EFNA5: variants seen among roughly 807,000 people sequenced by gnomAD.
EFNA5 encodes ephrin A5.
In EFNA5, 5 loss-of-function variants were observed where a neutral mutation model predicts 22.9. The observed-to-expected ratio is 0.22, with a 90% CI of 0.11 to 0.46. EFNA5 has a LOEUF of 0.46. Ranked by LOEUF, EFNA5 falls within the 20% of genes least tolerant of loss-of-function variation. The pLI is 0.99. For missense variants in EFNA5, 237 were observed against 293.3 expected (o/e 0.81, Z 1.40); for synonymous variants, 113 against 112.2 (o/e 1.01, Z -0.04).
chr5:107,630,211 A>G (rs146194286), intron 1 of EFNA5, among the ~76,000 whole-genome samples: 3 of 152,322 alleles, frequency 2.0e-5, no homozygotes, highest in East Asian at 3.9e-4. Context: ...GCTCTAAACT[A>G]TAGTCTGTTT....
intron 1 of EFNA5, among the ~76,000 whole-genome samples, chr5:107,535,198 G>C (rs531973559): frequency 2.6e-5 from 4 of 152,312 alleles, no homozygotes; most frequent in African/African-American, 9.6e-5. Context: ...ACAGAGGACT[G>C]CAGACTTAGA....
chr5:107,605,511 T>A (rs551303176), intron 1 of EFNA5, among the ~76,000 whole-genome samples: 1 of 152,182 alleles, frequency 6.6e-6, no homozygotes, highest in Non-Finnish European at 1.5e-5. Context: ...GATTTAAGGC[T>A]GACCTACCAG....
chr5:107,396,324 T>A lies in EFNA5; in HGVS notation c.419-8553A>T, dbSNP rs116398352. ...ACGTGCCTACGCCTCAGTTTTCTCA[T>A]TAGCTTCATCTTCTCTAAAACAAAT... On this transcript the variant is annotated intron_variant, in intron 2 of 4. Transcript: ENST00000333274. Among the ~76,000 whole-genome samples the A allele has an allele frequency of 5.8e-3, 877 of 152,324 alleles. 4 individuals carry two copies. Among genetic ancestry groups the A allele is most frequent in the Non-Finnish European group, 8.3e-3 (562 of 68,026 alleles).
chr5:107,427,311 T>G lies in EFNA5; in HGVS notation c.324A>C (p.Pro108=). The change falls in exon 2 of 5, where the codon CCA becomes CCC. Residue 108 remains proline (P), a synonymous_variant. Transcript: ENST00000333274. ...KRWECNRPHS[P]NGPLKFSEKF... is the part of the protein sequence containing the mutation. Reference sequence around the variant, plus strand: ...TTTCAGAGAACTTCAGCGGTCCATTTGGAGAGTGAGGCCGGTTACATTCCC... The same window carrying G: ...TTTCAGAGAACTTCAGCGGTCCATTGGGAGAGTGAGGCCGGTTACATTCCC... The G allele has an allele frequency of 6.2e-7, 1 of 1,614,126 alleles. No individual in the cohort carries two copies. Among genetic ancestry groups the G allele is most frequent in the Non-Finnish European group, 8.5e-7 (1 of 1,180,012 alleles).
chr5:107,596,656 C>T (rs1213136586), intron 1 of EFNA5, among the ~76,000 whole-genome samples: 1 of 151,868 alleles, frequency 6.6e-6, no homozygotes, highest in African/African-American at 2.4e-5. Flanking sequence ...CAATCTTTGG[C>T]CTGCAAATAT....
At chr5:107,387,163 G>T (rs952482225) in intron 4 of EFNA5, 72 bp downstream of exon 4, 3 of 1,116,300 alleles carry the variant, frequency 2.7e-6, no homozygotes, top group South Asian at 1.5e-5. Context: ...CAGAGAAGAA[G>T]AAAGGAAAAA....
chr5:107,397,362 A>G (rs531843884), intron 2 of EFNA5, among the ~76,000 whole-genome samples: 3 of 152,214 alleles, frequency 2.0e-5, no homozygotes, highest in Admixed American at 1.3e-4. Flanking sequence ...CAGCCTTGCC[A>G]AGATGGTGAA....
intron 1 of EFNA5, among the ~76,000 whole-genome samples, chr5:107,464,443 A>T (rs1308401690): frequency 1.3e-5 from 2 of 152,152 alleles, no homozygotes; most frequent in Non-Finnish European, 2.9e-5. Flanking sequence ...GCTGCTTCAA[A>T]ATCGATTGTT....
chr5:107,433,488 G>A (rs754202914), intron 1 of EFNA5, among the ~76,000 whole-genome samples: 1 of 152,192 alleles, frequency 6.6e-6, no homozygotes, highest in Non-Finnish European at 1.5e-5. Flanking sequence ...CTGAAGCTGG[G>A]ATTAGAGCTG....
At position 107,657,051 on chromosome 5, in the gene EFNA5, A is replaced by G. The variant is rs184488339; in HGVS notation, c.125+13438T>C. Among the ~76,000 whole-genome samples, 15 of 152,308 alleles carry G rather than the reference A, an allele frequency of 9.8e-5. No homozygotes were observed. In the East Asian group the frequency reaches 2.7e-3, roughly 27 times the overall value. On this transcript the variant is annotated intron_variant, in intron 1 of 4. Coordinates refer to ENST00000333274, the MANE Select transcript of EFNA5 (RefSeq NM_001962.3). The stretch of plus-strand genomic sequence containing the variant: ...TTTTACTATACGCAGTTAAATCTGT[A>G]TAGGAACATATATTAGTATATGGAA...
intron 1 of EFNA5, among the ~76,000 whole-genome samples, chr5:107,514,927 A>G (rs1747445121): frequency 6.6e-6 from 1 of 152,214 alleles, no homozygotes; most frequent in Non-Finnish European, 1.5e-5. Flanking sequence ...ACAGAAAAAC[A>G]GCCCCAAATC....
At chr5:107,410,022 C>CTTTTTTTTTTTTTTTTTTTTTTTTTT (rs70996956) in intron 2 of EFNA5, among the ~76,000 whole-genome samples, 1 of 88,002 alleles carries the variant, frequency 1.1e-5, no homozygotes, top group Non-Finnish European at 2.2e-5. Flanking sequence ...TGACATGATT[C>CTTTTTTTTTTTTTTTTTTTTTTTTTT]TTTTTTTTTT....
chr5:107,489,663 C>CCG (rs1554062622), intron 1 of EFNA5, among the ~76,000 whole-genome samples: 8 of 146,148 alleles, frequency 5.5e-5, no homozygotes, highest in African/African-American at 1.8e-4. Context: ...CCCACCTACC[C>CCG]CCCCCACCAA....
intron 1 of EFNA5, among the ~76,000 whole-genome samples, chr5:107,495,465 G>C (rs927636473): frequency 6.6e-6 from 1 of 152,206 alleles, no homozygotes; most frequent in East Asian, 1.9e-4. Flanking sequence ...GCGAGGGTCC[G>C]CGGCCTCATT....
At chr5:107,519,127 G>A (rs760140208) in intron 1 of EFNA5, among the ~76,000 whole-genome samples, 6 of 152,176 alleles carry the variant, frequency 3.9e-5, no homozygotes, top group Non-Finnish European at 7.3e-5. Flanking sequence ...ACAAGAACTT[G>A]AATTACCCTG....
chr5:107,566,004 C>A (rs1269557209), intron 1 of EFNA5, among the ~76,000 whole-genome samples: 2 of 152,204 alleles, frequency 1.3e-5, no homozygotes, highest in East Asian at 1.9e-4. Flanking sequence ...GGAAGGCTGG[C>A]AGCTGGCCCT....
intron 1 of EFNA5, among the ~76,000 whole-genome samples, chr5:107,436,748 A>G (rs1749120772): frequency 6.6e-6 from 1 of 152,102 alleles, no homozygotes; most frequent in South Asian, 2.1e-4. Flanking sequence ...CCACTGTCCA[A>G]GGAGAACAGG....
intron 1 of EFNA5, among the ~76,000 whole-genome samples, chr5:107,644,276 TCAGA>T (rs1306435672): frequency 6.6e-6 from 1 of 152,124 alleles, no homozygotes; most frequent in Non-Finnish European, 1.5e-5. Context: ...CTCAGATTCG[TCAGA>T]CAAATACTAT....
At chr5:107,569,496 T>C (rs1345685978) in intron 1 of EFNA5, among the ~76,000 whole-genome samples, 1 of 136,084 alleles carries the variant, frequency 7.3e-6, no homozygotes, top group African/African-American at 2.9e-5. Context: ...TTTATATATA[T>C]GTGTATATAT....
Sources: gnomAD v4.1 joint callset for allele counts (sites outside exome capture counted in the v4.1 genomes callset) on GRCh38, gnomAD v4.1.1 for gene constraint, MANE v1.5 for transcripts, NCBI Gene and HGNC (gene_info 2026-07-23, HGNC 2026-07-21) for gene names.